The following SLC20A2 variants were observed in gnomAD, a reference collection of about 807,000 sequenced individuals.
The protein encoded by SLC20A2 is sodium-dependent phosphate transporter 2.
SLC20A2 carries 30 observed loss-of-function variants against 61.0 expected under a neutral mutation model. The ratio of observed to expected loss-of-function variants is 0.49; its 90% CI spans 0.37 to 0.67. The LOEUF (loss-of-function observed/expected upper bound fraction) is 0.67. SLC20A2 is among the 30% of genes least tolerant of loss of function. SLC20A2 has a pLI of 0.00. For missense variants in SLC20A2, 626 were observed against 866.4 expected, an observed-to-expected ratio of 0.72 and a Z score of 3.48; for synonymous variants, 351 against 353.3, an observed-to-expected ratio of 0.99 and a Z score of 0.07.
chr8:42,525,917 G>T (rs1479663003), intron 1 of SLC20A2, among the ~76,000 whole-genome samples: 1 of 152,140 alleles, frequency 6.6e-6, no homozygotes, highest in East Asian at 1.9e-4. Flanking sequence ...ATAACCCAGG[G>T]TATATTCATG....
At chr8:42,488,919 G>T (rs1809273342) in intron 1 of SLC20A2, among the ~76,000 whole-genome samples, 1 of 143,008 alleles carries the variant, frequency 7.0e-6, no homozygotes, top group South Asian at 2.4e-4. Context: ...TTTTGTTTTT[G>T]AGTTATAGGA....
chr8:42,440,806 TTTA>T (rs1804714856), intron 6 of SLC20A2, among the ~76,000 whole-genome samples: 1 of 152,176 alleles, frequency 6.6e-6, no homozygotes, highest in African/African-American at 2.4e-5. Context: ...TATTTATTTA[TTTA>T]TTTATTTTTG....
upstream of SLC20A2, among the ~76,000 whole-genome samples, chr8:42,503,076 C>T (rs1331333575): frequency 3.3e-5 from 5 of 152,170 alleles, no homozygotes; most frequent in African/African-American, 7.2e-5. Context: ...AGCAATGCTC[C>T]GGTTCCTCAC....
At chr8:42,438,078 A>AAAAAAAAAAAAAAAAAAAAAAAAC (rs1804475888) in intron 7 of SLC20A2, among the ~76,000 whole-genome samples, 1 of 146,250 alleles carries the variant, frequency 6.8e-6, no homozygotes, top group African/African-American at 2.6e-5. Flanking sequence ...AAAAAAAAAA[A>AAAAAAAAAAAAAAAAAAAAAAAAC]AAAAAAAAAA....
At chr8:42,457,743 C>T (rs796132018) in intron 5 of SLC20A2, among the ~76,000 whole-genome samples, 19 of 152,130 alleles carry the variant, frequency 1.2e-4, no homozygotes, top group African/African-American at 4.1e-4. Context: ...CCTCGGCCTC[C>T]CAAAGTGTTG....
chr8:42,425,771 G>A (rs1351975040), intron 10 of SLC20A2, among the ~76,000 whole-genome samples: 2 of 152,150 alleles, frequency 1.3e-5, no homozygotes, highest in Non-Finnish European at 2.9e-5. Context: ...GGCTGGGCAC[G>A]GTGGCTCATG....
At chr8:42,460,852 A>T (rs1193909060) in intron 4 of SLC20A2, among the ~76,000 whole-genome samples, 2 of 152,382 alleles carry the variant, frequency 1.3e-5, no homozygotes, top group East Asian at 3.9e-4. Context: ...ATAATTCAAA[A>T]AGGGGCTAAC....
chr8:42,513,234 C>T (rs552038243), intron 1 of SLC20A2, among the ~76,000 whole-genome samples: 10 of 152,260 alleles, frequency 6.6e-5, no homozygotes, highest in African/African-American at 2.4e-4. Flanking sequence ...AAACATATAA[C>T]GTCTGGAGAA....
intron 1 of SLC20A2, among the ~76,000 whole-genome samples, chr8:42,510,218 C>T (rs139273656): frequency 2.0e-5 from 3 of 152,156 alleles, no homozygotes; most frequent in African/African-American, 7.2e-5. Flanking sequence ...AACAAAAAAA[C>T]CCATTAAAAG....
At chr8:42,508,305 C>T (rs1283360750) in intron 1 of SLC20A2, among the ~76,000 whole-genome samples, 1 of 152,182 alleles carries the variant, frequency 6.6e-6, no homozygotes, top group African/African-American at 2.4e-5. Flanking sequence ...ATATTGAGAC[C>T]CTATCTCCAT....
At chr8:42,442,832 T>G (rs1175359393) in intron 6 of SLC20A2, among the ~76,000 whole-genome samples, 1 of 152,180 alleles carries the variant, frequency 6.6e-6, no homozygotes. Context: ...CTTTGTCTCA[T>G]GTATTTTGGT....
intron 1 of SLC20A2, among the ~76,000 whole-genome samples, chr8:42,532,799 G>A (rs1232391125): frequency 6.6e-6 from 1 of 152,194 alleles, no homozygotes; most frequent in Non-Finnish European, 1.5e-5. Flanking sequence ...GACTGACCGG[G>A]CTGAGTGGAA....
intron 5 of SLC20A2, among the ~76,000 whole-genome samples, chr8:42,454,590 G>C (rs1283898073): frequency 6.6e-6 from 1 of 151,676 alleles, no homozygotes; most frequent in Non-Finnish European, 1.5e-5. Context: ...TGTGCTTCGA[G>C]GGAATAATGA....
chr8:42,509,973 A>G (rs776953077), intron 1 of SLC20A2, among the ~76,000 whole-genome samples: 5 of 152,244 alleles, frequency 3.3e-5, no homozygotes, highest in Non-Finnish European at 5.9e-5. Context: ...TCTGAATGCA[A>G]TAAGATTTTG....
At position 42,521,979 on chromosome 8, in the gene SLC20A2, C is replaced by T. The variant is rs1033748446; in HGVS notation, c.-265+19842G>A. ...AAACTGAGTAGAGGGTAAACAGGAC[C>T]TCTCCGTACTACTTTTTTAACTTCC... On this transcript the variant is annotated intron_variant, in intron 1 of 10. Transcript: ENST00000342228. Among the ~76,000 whole-genome samples the T allele has an allele frequency of 2.9e-3, 356 of 121,218 alleles. 44 individuals are homozygous for T. The highest frequency in any genetic ancestry group is 8.6e-3 in the African/African-American group (340 of 39,516). 79.5% of individuals were successfully genotyped at this position (121,218 alleles called of 152,430 possible). A position where few individuals can be genotyped will look rare whatever the true frequency, so the allele number is the denominator to read the frequency against.
At chr8:42,525,572 ACT>A (rs1811875589) in intron 1 of SLC20A2, among the ~76,000 whole-genome samples, 1 of 126,120 alleles carries the variant, frequency 7.9e-6, no homozygotes, top group Admixed American at 9.0e-5. Flanking sequence ...ACAGAGCAAG[ACT>A]CTGTCTCAAA....
At chr8:42,468,031 T>A (rs1807322920) in intron 2 of SLC20A2, among the ~76,000 whole-genome samples, 1 of 151,496 alleles carries the variant, frequency 6.6e-6, no homozygotes, top group African/African-American at 2.4e-5. Context: ...GCCTCCCGAG[T>A]AGCTGGGACT....
At chr8:42,460,469 C>A (rs1806609272) in intron 4 of SLC20A2, among the ~76,000 whole-genome samples, 1 of 152,232 alleles carries the variant, frequency 6.6e-6, no homozygotes, top group Non-Finnish European at 1.5e-5. Context: ...AGCATCACTG[C>A]ATTACCATGA....
rs986986224 is a variant in SLC20A2, at chr8:42,437,934, G to A, written c.935-357C>T. Among the ~76,000 whole-genome samples, 11 of 151,380 alleles carry A rather than the reference G, an allele frequency of 7.3e-5. No homozygotes were observed. Among genetic ancestry groups the A allele is most frequent in the African/African-American group, 2.2e-4 (9 of 41,206 alleles). On this transcript the variant is annotated intron_variant, in intron 7 of 10. Transcript: ENST00000520262. This position sits in a 1 kb window ranked among gnomAD's most constrained non-coding sequence, Gnocchi z 6.4. ...CAGCCCCAGCCTTTCGAATATAAGC[G>A]AAGGAAACACTCCCTACTATTTCAT...
Sources: gnomAD v4.1 joint callset for allele counts (sites outside exome capture counted in the v4.1 genomes callset) on GRCh38, gnomAD v4.1.1 for gene constraint, Gnocchi (gnomAD v3.1) non-coding constraint, MANE v1.5 for transcripts, NCBI Gene and HGNC (gene_info 2026-07-23, HGNC 2026-07-21) for gene names.